Variants in APBA1 observed in about 807,000 individuals in gnomAD.
APBA1 encodes the protein amyloid beta precursor protein binding family A member 1.
A neutral mutation model predicts 86.6 loss-of-function variants in APBA1; 55 were observed. The ratio of observed to expected loss-of-function variants is 0.64; its 90% CI spans 0.51 to 0.80. The LOEUF (loss-of-function observed/expected upper bound fraction) is 0.80, where lower values mean the gene tolerates loss of function less well. Ranked by LOEUF, APBA1 falls within the 30% of genes least tolerant of loss-of-function variation. The probability of loss-of-function intolerance (pLI) is 0.00; values close to 1 mark genes in which losing one functional copy is unlikely to be tolerated. For synonymous variants in APBA1, 511 were observed against 493.9 expected (o/e 1.03, Z -0.46); for missense variants, 1,090 against 1,183.0 (o/e 0.92, Z 1.15).
chr9:69,471,395 A>G (rs1835363930), intron 4 of APBA1, among the ~76,000 whole-genome samples: 1 of 152,226 alleles, frequency 6.6e-6, no homozygotes, highest in Non-Finnish European at 1.5e-5. Flanking sequence ...GCTAAGCTGC[A>G]TGACACTGGG....
intron 2 of APBA1, among the ~76,000 whole-genome samples, chr9:69,496,920 G>GC (rs1835807578): frequency 6.6e-6 from 1 of 151,896 alleles, no homozygotes; most frequent in South Asian, 2.1e-4. Context: ...GCTGTTTAGA[G>GC]TGTTCACTGC....
In APBA1 at chr9:69,452,131, G is replaced by A; in HGVS notation, c.1959C>T (p.Asn653=). The part of the protein sequence containing the change: ...DDLIHFSKSE[N]CKDVFIEKQK... ...TCAGGTAAGTACCCACATCTTTACA[G>A]TTTTCCGACTTGGAGAAGTGGATCA... The change falls in exon 9 of 13, where the codon AAC becomes AAT. Residue 653 remains asparagine (N), a synonymous_variant. Coordinates refer to ENST00000265381, the MANE Select transcript of APBA1 (RefSeq NM_001163.4). The A allele has an allele frequency of 6.2e-7, 1 of 1,614,104 alleles. No individual in the cohort carries two copies. Among genetic ancestry groups the A allele is most frequent in the Non-Finnish European group, 8.5e-7 (1 of 1,179,970 alleles).
chr9:69,435,746 G>A (rs1262116033), intron 11 of APBA1, among the ~76,000 whole-genome samples: 3 of 152,198 alleles, frequency 2.0e-5, no homozygotes, highest in Non-Finnish European at 4.4e-5. Context: ...TAGGTTGCCT[G>A]TTCACTCCGA....
chr9:69,545,681 C>T (rs1021089586), intron 1 of APBA1, among the ~76,000 whole-genome samples: 9 of 152,170 alleles, frequency 5.9e-5, no homozygotes, highest in Non-Finnish European at 1.2e-4. Flanking sequence ...AATTTGTAAC[C>T]GTCAGGGTGA....
At chr9:69,439,886 GCT>G (rs1834780184) in intron 11 of APBA1, among the ~76,000 whole-genome samples, 1 of 152,294 alleles carries the variant, frequency 6.6e-6, no homozygotes, top group East Asian at 1.9e-4. Context: ...TGGTTTTTCT[GCT>G]CTGTTTTTTC....
At chr9:69,537,833 T>A (rs1439601619) in intron 1 of APBA1, among the ~76,000 whole-genome samples, 1 of 152,046 alleles carries the variant, frequency 6.6e-6, no homozygotes, top group East Asian at 1.9e-4. Context: ...TTAAGGGTAT[T>A]AACTTTTTGT....
chr9:69,622,180 C>T (rs1822833157), intron 1 of APBA1, among the ~76,000 whole-genome samples: 1 of 152,344 alleles, frequency 6.6e-6, no homozygotes, highest in Middle Eastern at 3.4e-3. Flanking sequence ...ATCCATTCTC[C>T]TCCTGTCAAA....
chr9:69,495,287 A>C (rs1180430798), intron 2 of APBA1, among the ~76,000 whole-genome samples: 1 of 152,144 alleles, frequency 6.6e-6, no homozygotes, highest in Admixed American at 6.5e-5. Flanking sequence ...GAGAAAAAGA[A>C]AATAAAAAGC....
chr9:69,436,260 G>T (rs570504237), intron 11 of APBA1, among the ~76,000 whole-genome samples: 1 of 148,410 alleles, frequency 6.7e-6, no homozygotes, highest in Non-Finnish European at 1.5e-5. Flanking sequence ...TTGGCAATGT[G>T]GGCTCTTTTT....
intron 2 of APBA1, among the ~76,000 whole-genome samples, chr9:69,486,693 G>T (rs1835614990): frequency 6.6e-6 from 1 of 151,908 alleles, no homozygotes; most frequent in Admixed American, 6.6e-5. Flanking sequence ...GGAAGATACT[G>T]GAAACACAGG....
intron 2 of APBA1, among the ~76,000 whole-genome samples, chr9:69,499,027 T>TAAATAA (rs1835842360): frequency 6.6e-6 from 1 of 152,140 alleles, no homozygotes; most frequent in African/African-American, 2.4e-5. Flanking sequence ...CAGCAGCGGG[T>TAAATAA]CCTTTGGTTC....
At chr9:69,500,647 A>G (rs1835867538) in intron 2 of APBA1, among the ~76,000 whole-genome samples, 8 of 152,104 alleles carry the variant, frequency 5.3e-5, no homozygotes, top group Admixed American at 5.2e-4. Flanking sequence ...GATCCTAAAG[A>G]GTTGAGTGTT....
At chr9:69,604,567 CAT>C (rs1411252406) in intron 1 of APBA1, among the ~76,000 whole-genome samples, 3 of 132,026 alleles carry the variant, frequency 2.3e-5, no homozygotes, top group Non-Finnish European at 3.1e-5. Context: ...CATGCACACA[CAT>C]GAGGATAAGT....
chr9:69,631,558 G>A (rs567013942), intron 1 of APBA1, among the ~76,000 whole-genome samples: 35 of 152,294 alleles, frequency 2.3e-4, no homozygotes, highest in African/African-American at 7.5e-4. Context: ...ATTACTGGGT[G>A]TATATCCAAA....
chr9:69,641,588 A>T (rs896846359), intron 1 of APBA1, among the ~76,000 whole-genome samples: 1 of 152,176 alleles, frequency 6.6e-6, no homozygotes, highest in African/African-American at 2.4e-5. Context: ...AAACAGACCC[A>T]CCATATATGG....
rs146039340 is a variant in APBA1 at position 69,499,613 on chromosome 9, TAATG to T, written c.1200+16394_1200+16397del. Among the ~76,000 whole-genome samples the T allele has an allele frequency of 8.0e-3, 1,214 of 151,042 alleles. 24 individuals are homozygous for T. The highest frequency in any genetic ancestry group is 0.028 in the African/African-American group (1,166 of 41,156). Reference sequence around the variant, plus strand: ...CAGGATAAGAGGCTCTAACAAGTCTTAATGAATTAGCATGTGCACTTGACCTTGG... The same window carrying T: ...CAGGATAAGAGGCTCTAACAAGTCTTAATTAGCATGTGCACTTGACCTTGG... On this transcript the variant is annotated intron_variant, in intron 2 of 12. Transcript: ENST00000265381.
chr9:69,506,252 T>G (rs1835962558), intron 2 of APBA1, among the ~76,000 whole-genome samples: 1 of 151,428 alleles, frequency 6.6e-6, no homozygotes, highest in African/African-American at 2.4e-5. Context: ...ATTTCCTCAC[T>G]TGGGAAGTGC....
intron 1 of APBA1, among the ~76,000 whole-genome samples, chr9:69,543,624 C>T (rs941384944): frequency 4.6e-5 from 7 of 152,112 alleles, no homozygotes; most frequent in African/African-American, 1.7e-4. Flanking sequence ...TTATTTAACC[C>T]TTATAAGAAC....
intron 2 of APBA1, among the ~76,000 whole-genome samples, chr9:69,485,026 G>C (rs922644146): frequency 3.3e-5 from 5 of 151,166 alleles, no homozygotes; most frequent in African/African-American, 1.2e-4. Context: ...ATGTTGCCCA[G>C]GCAGGTCTTG....
Sources: allele counts gnomAD v4.1 joint callset (sites outside exome capture counted in the v4.1 genomes callset), GRCh38; gene constraint gnomAD v4.1.1; transcripts MANE v1.5; gene names NCBI Gene and HGNC (gene_info 2026-07-23, HGNC 2026-07-21).